The following PDE1C variants were observed in gnomAD, a reference collection of about 807,000 sequenced individuals.
PDE1C encodes the protein phosphodiesterase 1C.
In PDE1C, 62 loss-of-function variants were observed where a neutral mutation model predicts 93.1. The ratio of observed to expected loss-of-function variants is 0.67; its 90% CI spans 0.54 to 0.82. The LOEUF (loss-of-function observed/expected upper bound fraction) is 0.82, where lower values mean the gene tolerates loss of function less well. Ranked by LOEUF, PDE1C falls within the 40% of genes least tolerant of loss-of-function variation. The probability of loss-of-function intolerance (pLI) is 0.00; values close to 1 mark genes in which losing one functional copy is unlikely to be tolerated. For missense variants in PDE1C, 742 were observed against 884.6 expected (o/e 0.84, Z 2.04); for synonymous variants, 325 against 310.1 (o/e 1.05, Z -0.50).
At chr7:32,337,779 G>A (rs1027056948) in intron 1 of PDE1C, among the ~76,000 whole-genome samples, 4 of 151,982 alleles carry the variant, frequency 2.6e-5, no homozygotes, top group Admixed American at 2.6e-4. Context: ...AGTTTTTAGA[G>A]GTCAAAAAGA....
chr7:32,391,285 G>A (rs893274507), intron 1 of PDE1C, among the ~76,000 whole-genome samples: 1 of 151,936 alleles, frequency 6.6e-6, no homozygotes, highest in African/African-American at 2.4e-5. Flanking sequence ...TATATGAAAA[G>A]GTCAATTAAT....
At chr7:32,019,150 TA>T (rs75146295) in intron 2 of PDE1C, among the ~76,000 whole-genome samples, 2,060 of 118,836 alleles carry the variant, frequency 0.017, 6 homozygotes, top group Middle Eastern at 0.026. Flanking sequence ...TATGTTGTTT[TA>T]AAAAAAAAAA....
At chr7:31,696,852 T>G in the PDE1C span, 4 of 1,221,606 alleles carry the variant, frequency 3.3e-6, no homozygotes, top group Admixed American at 7.6e-5. Flanking sequence ...TAAAGTAAGT[T>G]TGGAAAGCTA....
chr7:31,848,043 A>G lies in PDE1C; in HGVS notation c.905T>C (p.Leu302Ser). The G allele has an allele frequency of 2.5e-6, 4 of 1,613,136 alleles. No homozygotes were observed. The highest frequency in any genetic ancestry group is 3.4e-6 in the Non-Finnish European group (4 of 1,179,416). Reference sequence around the variant, plus strand: ...TTGCAGAAGGCGATAAGCTGCACTTAAATGGTGATTCTCCAGTACAGATCT... The same window carrying G: ...TTGCAGAAGGCGATAAGCTGCACTTGAATGGTGATTCTCCAGTACAGATCT... ...NDRSVLENHHLSAAYRLLQDD... is the reference protein window; with the variant it reads ...NDRSVLENHHSSAAYRLLQDD... The change falls in exon 9 of 18, where the codon TTA becomes TCA. Residue 302 changes from leucine to serine, a missense_variant. Physicochemically the swap from Leu to Ser is moderately radical, Grantham distance 145. This residue lies in a region of PDE1C where 205 missense variants were observed against 295.3 expected (regional missense o/e 0.69). Transcript: ENST00000396191.
At chr7:32,374,201 A>C (rs1784384420) in intron 1 of PDE1C, among the ~76,000 whole-genome samples, 2 of 143,962 alleles carry the variant, frequency 1.4e-5, no homozygotes, top group Non-Finnish European at 3.0e-5. Flanking sequence ...AAAGAGAGGG[A>C]AAGAGAGGGA....
At chr7:32,305,917 C>T (rs1023698424) in intron 1 of PDE1C, among the ~76,000 whole-genome samples, 7 of 152,340 alleles carry the variant, frequency 4.6e-5, no homozygotes, top group Admixed American at 1.3e-4. Context: ...TTGGCTATGT[C>T]TCCACCCAAA....
At chr7:32,370,428 G>A (rs533103379) in intron 1 of PDE1C, among the ~76,000 whole-genome samples, 16 of 139,142 alleles carry the variant, frequency 1.1e-4, no homozygotes, top group African/African-American at 2.2e-4. Context: ...CAGCCTGGGC[G>A]ACAGAGTGAG....
intron 17 of PDE1C, among the ~76,000 whole-genome samples, chr7:31,755,981 C>T (rs1794437680): frequency 1.3e-5 from 2 of 152,124 alleles, no homozygotes; most frequent in Non-Finnish European, 2.9e-5. Context: ...GCCTGACCAA[C>T]ATGGTGAAAC....
chr7:31,950,876 GAT>G (rs1807275941), intron 2 of PDE1C, among the ~76,000 whole-genome samples: 1 of 152,072 alleles, frequency 6.6e-6, no homozygotes, highest in African/African-American at 2.4e-5. Context: ...CTGAGTGTAC[GAT>G]ATGTTTGTCT....
At chr7:31,953,993 A>G (rs1807768778) in intron 2 of PDE1C, among the ~76,000 whole-genome samples, 1 of 152,188 alleles carries the variant, frequency 6.6e-6, no homozygotes, top group African/African-American at 2.4e-5. Flanking sequence ...TTCACCACAT[A>G]TATCCTCCAA....
intron 2 of PDE1C, among the ~76,000 whole-genome samples, chr7:31,912,686 C>A (rs1801397255): frequency 6.6e-6 from 1 of 151,522 alleles, no homozygotes; most frequent in Admixed American, 6.6e-5. Context: ...GACCTTGTCT[C>A]AAAAAATATA....
intron 2 of PDE1C, among the ~76,000 whole-genome samples, chr7:31,950,790 A>G (rs1024285085): frequency 2.0e-5 from 3 of 152,168 alleles, no homozygotes; most frequent in African/African-American, 7.2e-5. Flanking sequence ...TATAAAATCA[A>G]ACTAAGATTT....
At chr7:31,950,537 C>G (rs1807225014) in intron 2 of PDE1C, among the ~76,000 whole-genome samples, 1 of 152,198 alleles carries the variant, frequency 6.6e-6, no homozygotes, top group South Asian at 2.1e-4. Context: ...TACAGGATCT[C>G]TGACAGAGGT....
the PDE1C span, among the ~76,000 whole-genome samples, chr7:31,741,278 G>C: frequency 1.3e-5 from 2 of 151,990 alleles, no homozygotes; most frequent in Non-Finnish European, 2.9e-5. Context: ...ATGGTAACTA[G>C]ATTAACTGGT....
chr7:31,639,936 A>G, the PDE1C span, among the ~76,000 whole-genome samples: 1 of 152,112 alleles, frequency 6.6e-6, no homozygotes, highest in Non-Finnish European at 1.5e-5. Context: ...TCTCCTCATA[A>G]TGGATCATAT....
chr7:31,665,542 C>T, the PDE1C span, among the ~76,000 whole-genome samples: 1 of 152,138 alleles, frequency 6.6e-6, no homozygotes, highest in African/African-American at 2.4e-5. Context: ...AATATATTAA[C>T]ACTAATAAGC....
chr7:31,643,842 T>C, the PDE1C span: 1 of 1,613,960 alleles, frequency 6.2e-7, no homozygotes, highest in Non-Finnish European at 8.5e-7. Flanking sequence ...GCCCTGGCCC[T>C]GAACCCTCAG....
At chr7:31,841,209 G>GTCTCTC (rs377551907) in intron 9 of PDE1C, among the ~76,000 whole-genome samples, 13,255 of 140,102 alleles carry the variant, frequency 0.095, 780 homozygotes, top group Middle Eastern at 0.15. Flanking sequence ...CCCTCTCTCT[G>GTCTCTC]TCTCTCTCTC....
intron 16 of PDE1C, among the ~76,000 whole-genome samples, chr7:31,798,373 C>T (rs1785569973): frequency 6.6e-6 from 1 of 151,630 alleles, no homozygotes; most frequent in African/African-American, 2.4e-5. Context: ...CATCACATAT[C>T]CCGAGCTCCC....
Sources: gnomAD v4.1 joint callset for allele counts (sites outside exome capture counted in the v4.1 genomes callset) on GRCh38, gnomAD v4.1.1 for gene constraint, gnomAD v4.1.1 regional missense constraint, MANE v1.5 for transcripts, NCBI Gene and HGNC (gene_info 2026-07-23, HGNC 2026-07-21) for gene names.